Variants in XIRP2 observed in about 807,000 individuals in gnomAD.
The protein encoded by XIRP2 is xin actin binding repeat containing 2.
A neutral mutation model predicts 277.0 loss-of-function variants in XIRP2; 236 were observed. That is an observed-to-expected ratio of 0.85 (90% CI 0.77 to 0.95). The LOEUF is 0.95. Among genes scored for constraint, XIRP2 ranks in the 40% least tolerant of loss-of-function variants. The pLI is 0.00. For missense variants in XIRP2, 4,640 were observed against 4,157.5 expected (o/e 1.12, Z -3.19); for synonymous variants, 1,490 against 1,416.5 (o/e 1.05, Z -1.17).
At chr2:167,108,470 T>C (rs758009763) in intron 2 of XIRP2, among the ~76,000 whole-genome samples, 1 of 152,114 alleles carries the variant, frequency 6.6e-6, no homozygotes, top group African/African-American at 2.4e-5. Flanking sequence ...AAGCATTTAA[T>C]GTTGTAAACT....
At chr2:166,914,488 C>T (rs760583943) in intron 2 of XIRP2, among the ~76,000 whole-genome samples, 2 of 151,904 alleles carry the variant, frequency 1.3e-5, no homozygotes, top group Non-Finnish European at 2.9e-5. Flanking sequence ...CTACAGGTGC[C>T]CGCCACCTTG....
At chr2:167,114,344 T>G (rs552920054) in intron 2 of XIRP2, among the ~76,000 whole-genome samples, 1 of 152,342 alleles carries the variant, frequency 6.6e-6, no homozygotes, top group Admixed American at 6.5e-5. Flanking sequence ...TATTTTTGTC[T>G]GACTTGAGTT....
chr2:166,981,275 C>A (rs1472489482), intron 2 of XIRP2, among the ~76,000 whole-genome samples: 1 of 152,020 alleles, frequency 6.6e-6, no homozygotes, highest in Non-Finnish European at 1.5e-5. Context: ...GAAAAGAATC[C>A]TTCTTTTTCT....
chr2:167,028,030 A>T (rs1305342090), intron 2 of XIRP2, among the ~76,000 whole-genome samples: 1 of 152,094 alleles, frequency 6.6e-6, no homozygotes. Context: ...TTGATATTTG[A>T]AAAATGTTTT....
rs549445023 is a variant in XIRP2, at chr2:166,978,365, C to T, written c.408+74475C>T. On this transcript the variant is annotated intron_variant, in intron 2 of 10. Coordinates refer to ENST00000409195, the MANE Select transcript of XIRP2 (RefSeq NM_152381.6). The stretch of plus-strand genomic sequence containing the variant: ...CAAGATTGGTTTGAATATTACAATT[C>T]CATAGAATTCACATATAATTTTAGA... Among the ~76,000 whole-genome samples the T allele has an allele frequency of 2.0e-5, 3 of 152,156 alleles. No individual in the cohort carries two copies. In the South Asian group the frequency reaches 6.2e-4, roughly 32 times the overall value.
At chr2:167,107,418 C>T (rs1249670162) in intron 2 of XIRP2, among the ~76,000 whole-genome samples, 1 of 151,668 alleles carries the variant, frequency 6.6e-6, no homozygotes, top group Non-Finnish European at 1.5e-5. Flanking sequence ...TGGATTAGTG[C>T]TGAATTTTCT....
intron 2 of XIRP2, among the ~76,000 whole-genome samples, chr2:166,966,441 T>C (rs1458340981): frequency 6.6e-6 from 1 of 151,938 alleles, no homozygotes; most frequent in Non-Finnish European, 1.5e-5. Flanking sequence ...TTTATGTTTA[T>C]ATATATTTGT....
In XIRP2 at chr2:167,259,434, G is replaced by A; in HGVS notation, c.*1617G>A. On this transcript the variant is annotated 3_prime_UTR_variant, in exon 11 of 11. Coordinates refer to ENST00000409195, the MANE Select transcript of XIRP2 (RefSeq NM_152381.6). ...TTGATGTTCTGAAATAAGATTTTATGAATTTGGATACCCTTTTGAGGAACT... is the reference window on the plus strand; with the variant it reads ...TTGATGTTCTGAAATAAGATTTTATAAATTTGGATACCCTTTTGAGGAACT... The A allele has an allele frequency of 6.9e-7, 1 of 1,439,356 alleles. No homozygotes were observed. The highest frequency in any genetic ancestry group is 9.3e-7 in the Non-Finnish European group (1 of 1,079,090). The allele number at this position is 1,439,356 out of a possible 1,614,324, so 89.2% of individuals were successfully genotyped here.
chr2:167,105,852 T>C (rs1185618273), intron 2 of XIRP2, among the ~76,000 whole-genome samples: 3 of 151,816 alleles, frequency 2.0e-5, no homozygotes, highest in Admixed American at 1.3e-4. Flanking sequence ...GCCATTCTGA[T>C]AAGTGTATTG....
intron 2 of XIRP2, among the ~76,000 whole-genome samples, chr2:167,006,377 G>C (rs1034173423): frequency 6.6e-6 from 1 of 151,726 alleles, no homozygotes; most frequent in Non-Finnish European, 1.5e-5. Context: ...ACAAAAAGGT[G>C]GGGAGAAAAG....
intron 2 of XIRP2, among the ~76,000 whole-genome samples, chr2:167,115,477 G>A (rs1011431894): frequency 3.3e-5 from 5 of 152,132 alleles, no homozygotes; most frequent in African/African-American, 1.2e-4. Context: ...ATTTGTGTGG[G>A]CTGATATTCC....
intron 2 of XIRP2, among the ~76,000 whole-genome samples, chr2:167,132,525 C>T (rs1284704702): frequency 1.1e-4 from 16 of 151,770 alleles, no homozygotes; most frequent in African/African-American, 3.6e-4. Context: ...CACACACACA[C>T]ACACACACAC....
intron 2 of XIRP2, among the ~76,000 whole-genome samples, chr2:166,905,847 C>T (rs1361746174): frequency 2.6e-5 from 4 of 151,914 alleles, no homozygotes; most frequent in Admixed American, 2.0e-4. Context: ...TATTATTAGG[C>T]ATGTAAAAAG....
rs949924857 is a variant in XIRP2, at chr2:167,251,426, T to A, written c.10034T>A (p.Val3345Asp). ...RWFREFEHGP[V>D]SEAKSNRRVY... ...TTCAGGGAATTTGAGCATGGCCCAG[T>A]TTCTGAAGCAAAGTCAAATAGAAGA... The change falls in exon 9 of 11, where the codon GTT becomes GAT. Residue 3345 changes from valine (V) to aspartate (D), a missense_variant. Physicochemically the swap from Val to Asp is radical, Grantham distance 152. Coordinates refer to ENST00000409195, the MANE Select transcript of XIRP2 (RefSeq NM_152381.6). 1.2e-6 allele frequency: 2 copies of A among 1,613,548 alleles called. No individual in the cohort carries two copies. Among genetic ancestry groups the A allele is most frequent in the Non-Finnish European group, 1.7e-6 (2 of 1,179,670 alleles).
At chr2:166,985,430 C>A (rs1024189586) in intron 2 of XIRP2, among the ~76,000 whole-genome samples, 5 of 151,156 alleles carry the variant, frequency 3.3e-5, no homozygotes, top group African/African-American at 9.7e-5. Flanking sequence ...ATCTAAAAAT[C>A]TTTTCTTTCT....
At chr2:167,039,871 T>C (rs1420257330) in intron 2 of XIRP2, among the ~76,000 whole-genome samples, 1 of 152,176 alleles carries the variant, frequency 6.6e-6, no homozygotes, top group African/African-American at 2.4e-5. Flanking sequence ...ACCAAATAAT[T>C]TCACAATAAT....
chr2:166,979,891 G>C (rs892850857), intron 2 of XIRP2, among the ~76,000 whole-genome samples: 3 of 120,984 alleles, frequency 2.5e-5, no homozygotes, highest in African/African-American at 1.2e-4. Context: ...CCTAAAAAGT[G>C]AATTAGGAAT....
At chr2:167,194,319 T>A (rs1159600812) in intron 3 of XIRP2, among the ~76,000 whole-genome samples, 2 of 151,948 alleles carry the variant, frequency 1.3e-5, no homozygotes, top group African/African-American at 4.8e-5. Flanking sequence ...CACCTCAGGT[T>A]ATCCACCTGC....
At chr2:167,043,535 CA>C (rs1171544911) in intron 2 of XIRP2, among the ~76,000 whole-genome samples, 1 of 151,906 alleles carries the variant, frequency 6.6e-6, no homozygotes, top group Non-Finnish European at 1.5e-5. Flanking sequence ...CACAGAACTA[CA>C]AAAAACCCTC....
Sources: gnomAD v4.1 joint callset for allele counts (sites outside exome capture counted in the v4.1 genomes callset) on GRCh38, gnomAD v4.1.1 for gene constraint, MANE v1.5 for transcripts, NCBI Gene and HGNC (gene_info 2026-07-23, HGNC 2026-07-21) for gene names.